CLEC4C: variants seen among roughly 807,000 people sequenced by gnomAD.
The protein encoded by CLEC4C is C-type (calcium dependent, carbohydrate-recognition domain) lectin, superfamily member 11.
A neutral mutation model predicts 27.7 loss-of-function variants in CLEC4C; 17 were observed. The observed-to-expected ratio is 0.61, with a 90% CI of 0.42 to 0.92. The LOEUF is 0.92. CLEC4C is among the 40% of genes least tolerant of loss of function. The pLI is 0.00. For synonymous variants in CLEC4C, 80 were observed against 80.8 expected, an observed-to-expected ratio of 0.99 and a Z score of 0.06; for missense variants, 244 against 257.3, an observed-to-expected ratio of 0.95 and a Z score of 0.35.
chr12:7,731,385 G>C (rs1864592615), intron 4 of CLEC4C, among the ~76,000 whole-genome samples: 1 of 152,144 alleles, frequency 6.6e-6, no homozygotes, highest in Admixed American at 6.6e-5. Flanking sequence ...TGGTCTGTAA[G>C]AGAGTGGGCC....
At chr12:7,745,468 T>C (rs1054767003) in intron 2 of CLEC4C, among the ~76,000 whole-genome samples, 2 of 130,400 alleles carry the variant, frequency 1.5e-5, no homozygotes, top group South Asian at 5.5e-4. Context: ...AGTCTCACTC[T>C]GTCACCCAGG....
intron 4 of CLEC4C, among the ~76,000 whole-genome samples, chr12:7,736,675 G>A (rs1291432756): frequency 2.6e-5 from 4 of 152,104 alleles, no homozygotes; most frequent in East Asian, 1.9e-4. Flanking sequence ...TTGGGAGGCC[G>A]AGACGGGCAG....
intron 4 of CLEC4C, among the ~76,000 whole-genome samples, chr12:7,736,892 G>T (rs940959293): frequency 5.9e-5 from 9 of 151,884 alleles, no homozygotes; most frequent in African/African-American, 2.2e-4. Context: ...AACAGAGCAA[G>T]ACTCCGTCTC....
At position 7,740,456 on chromosome 12, in the gene CLEC4C, T is replaced by A. The variant is rs1025258950; in HGVS notation, c.235+965A>T. 4.6e-5 allele frequency among the ~76,000 whole-genome samples: 7 copies of A among 151,934 alleles called. No homozygotes were observed. The South Asian group carries it at 6.2e-4, about 14-fold the overall frequency. ...GGCTCACGCCTGTAATCCCAGCACT[T>A]TGGGAGGCCGATGCGGGAGGATTGC... On this transcript the variant is annotated intron_variant, in intron 3 of 5. Coordinates refer to ENST00000360345, the MANE Select transcript of CLEC4C (RefSeq NM_001371390.1).
chr12:7,730,182 T>G (rs1810603916), intron 5 of CLEC4C, among the ~76,000 whole-genome samples: 1 of 152,208 alleles, frequency 6.6e-6, no homozygotes, highest in South Asian at 2.1e-4. Flanking sequence ...TCCCTGGATC[T>G]GCTACTTAGT....
At chr12:7,747,549 A>G (rs1422132578), upstream of CLEC4C, 1 of 486,244 alleles carries the variant, frequency 2.1e-6, no homozygotes, top group Non-Finnish European at 3.7e-6. Flanking sequence ...TTTAAAACAT[A>G]CATCATGTTC....
At chr12:7,737,619 TCTC>T (rs1472541708) in intron 3 of CLEC4C, 45 bp from the exon 4 acceptor site, 1 of 1,560,242 alleles carries the variant, frequency 6.4e-7, no homozygotes, top group South Asian at 1.2e-5. Flanking sequence ...AACAGAGAAT[TCTC>T]CTCACATAAA....
At chr12:7,737,360 A>C in intron 4 of CLEC4C, 69 bp downstream of exon 4, 3 of 1,098,030 alleles carry the variant, frequency 2.7e-6, no homozygotes, top group East Asian at 3.0e-5. Context: ...CTTTCAGGGC[A>C]ATAAAAAGAC....
intron 4 of CLEC4C, among the ~76,000 whole-genome samples, chr12:7,736,066 G>A (rs769620446): frequency 6.6e-6 from 1 of 151,992 alleles, no homozygotes; most frequent in Admixed American, 6.6e-5. Context: ...GGTGGATCAC[G>A]AGGTCAGGAG....
Position 7,737,424 on chromosome 12 carries a change from C to A in CLEC4C, c.381+5G>T. On this transcript the variant is annotated splice_donor_5th_base_variant and intron_variant, in intron 4 of 5. Coordinates refer to ENST00000360345, the MANE Select transcript of CLEC4C (RefSeq NM_001371390.1). ...TAGCTGACCACCTTGCCTGTTAGAACATACCTGTTCTTCCCTGGTGTTGAT... is the reference window on the plus strand; with the variant it reads ...TAGCTGACCACCTTGCCTGTTAGAAAATACCTGTTCTTCCCTGGTGTTGAT... The A allele has an allele frequency of 1.3e-6, 2 of 1,575,046 alleles. No individual in the cohort carries two copies. Among genetic ancestry groups the A allele is most frequent in the Non-Finnish European group, 1.7e-6 (2 of 1,157,766 alleles).
chr12:7,741,929 G>A (rs1004890751), intron 2 of CLEC4C, among the ~76,000 whole-genome samples: 9 of 152,138 alleles, frequency 5.9e-5, no homozygotes, highest in African/African-American at 2.2e-4. Flanking sequence ...GCTGAGGCAA[G>A]AGAATTGCTA....
At chr12:7,739,843 G>A (rs1039777383) in intron 3 of CLEC4C, among the ~76,000 whole-genome samples, 1 of 137,422 alleles carries the variant, frequency 7.3e-6, no homozygotes. Context: ...CCATAGCTCG[G>A]TAATTTTTTT....
intron 4 of CLEC4C, among the ~76,000 whole-genome samples, chr12:7,735,201 C>CA (rs1190599201): frequency 1.2e-4 from 18 of 147,330 alleles, no homozygotes; most frequent in Non-Finnish European, 2.4e-4. Context: ...GACTCTGTCT[C>CA]AAAAAAATAA....
chr12:7,738,321 A>G (rs1864774899), intron 3 of CLEC4C, among the ~76,000 whole-genome samples: 1 of 152,134 alleles, frequency 6.6e-6, no homozygotes, highest in Non-Finnish European at 1.5e-5. Flanking sequence ...GACATAATAC[A>G]TGCAAAACAC....
At chr12:7,747,755 C>T (rs2120455204), upstream of CLEC4C, among the ~76,000 whole-genome samples, 1 of 148,826 alleles carries the variant, frequency 6.7e-6, no homozygotes. Context: ...GATTCTCCTG[C>T]CTCAGCCTCC....
chr12:7,744,409 C>T (rs964400449), intron 2 of CLEC4C, among the ~76,000 whole-genome samples: 2 of 152,106 alleles, frequency 1.3e-5, no homozygotes, highest in African/African-American at 4.8e-5. Context: ...AGGAAGTCAT[C>T]GTATTCAGTA....
chr12:7,732,191 G>C (rs778907205), intron 4 of CLEC4C, among the ~76,000 whole-genome samples: 15 of 151,824 alleles, frequency 9.9e-5, no homozygotes, highest in Non-Finnish European at 7.4e-5. Context: ...CATCATGCCT[G>C]GTTAATTTTT....
rs138331559 is a variant in CLEC4C at position 7,734,233 on chromosome 12, C to T, written c.381+3196G>A. Among the ~76,000 whole-genome samples, 707 of 152,138 alleles carry T rather than the reference C, an allele frequency of 4.6e-3. 4 individuals carry two copies. The highest frequency in any genetic ancestry group is 0.016 in the African/African-American group (669 of 41,510). On this transcript the variant is annotated intron_variant, in intron 4 of 5. Transcript: ENST00000360345. ...AACATTCAAGCAGTCTATTGTCTGC[C>T]CAGACCCTGTGCTAAATGTGGCATA...
At chr12:7,738,472 A>AT (rs1310488559) in intron 3 of CLEC4C, among the ~76,000 whole-genome samples, 1 of 152,130 alleles carries the variant, frequency 6.6e-6, no homozygotes, top group Non-Finnish European at 1.5e-5. Context: ...GTTTTTCTTT[A>AT]TATTTTGACA....
Sources: allele counts gnomAD v4.1 joint callset (sites outside exome capture counted in the v4.1 genomes callset), GRCh38; gene constraint gnomAD v4.1.1; transcripts MANE v1.5; gene names NCBI Gene and HGNC (gene_info 2026-07-23, HGNC 2026-07-21).